Variants in CRTAM observed in about 807,000 individuals in gnomAD.
The protein encoded by CRTAM is cytotoxic and regulatory T-cell molecule.
A neutral mutation model predicts 50.0 loss-of-function variants in CRTAM; 44 were observed. That is an observed-to-expected ratio of 0.88 (90% CI 0.69 to 1.13). CRTAM has a LOEUF of 1.13. CRTAM is among the 50% of genes most tolerant of loss of function. The pLI is 0.00. For missense variants in CRTAM, 448 were observed against 457.5 expected, an observed-to-expected ratio of 0.98 and a Z score of 0.19; for synonymous variants, 159 against 169.3, an observed-to-expected ratio of 0.94 and a Z score of 0.47.
chr11:122,862,680 C>A, intron 6 of CRTAM, 136 bp downstream of exon 6: 1 of 616,458 alleles, frequency 1.6e-6, no homozygotes, highest in Non-Finnish European at 2.8e-6. Flanking sequence ...CCAACTGGCT[C>A]CAGCTTTGTA....
intron 9 of CRTAM, among the ~76,000 whole-genome samples, 178 bp from the exon 10 acceptor site, chr11:122,871,091 C>T (rs1312218333): frequency 2.2e-4 from 34 of 151,684 alleles, no homozygotes; most frequent in Non-Finnish European, 2.5e-4. Flanking sequence ...AAAAAAACCA[C>T]GAAAAACAAA....
chr11:122,868,194 G>A (rs1472052305), intron 9 of CRTAM, 95 bp downstream of exon 9: 4 of 258,420 alleles, frequency 1.5e-5, no homozygotes, highest in Non-Finnish European at 2.5e-5. Context: ...GAATATGTGT[G>A]TGTGTGTGTG....
intron 1 of CRTAM, among the ~76,000 whole-genome samples, chr11:122,839,093 G>T (rs61910289): frequency 6.6e-6 from 1 of 151,878 alleles, no homozygotes; most frequent in African/African-American, 2.4e-5. Context: ...CACCACGCCC[G>T]GCTAATTTTT....
At chr11:122,845,534 G>A (rs752201605) in intron 1 of CRTAM, among the ~76,000 whole-genome samples, 4 of 152,026 alleles carry the variant, frequency 2.6e-5, no homozygotes, top group Admixed American at 6.6e-5. Context: ...GTAAAACTCC[G>A]TCTCTGTACT....
chr11:122,845,568 G>GTGCT (rs1861853304), intron 1 of CRTAM, among the ~76,000 whole-genome samples: 1 of 152,028 alleles, frequency 6.6e-6, no homozygotes, highest in African/African-American at 2.4e-5. Context: ...TTAGTCAGAT[G>GTGCT]TGCTGGTGGG....
At chr11:122,838,647 A>G in intron 1 of CRTAM, 55 bp downstream of exon 1, 3 of 1,528,608 alleles carry the variant, frequency 2.0e-6, no homozygotes, top group Non-Finnish European at 1.8e-6. Context: ...GTTTTGCCAC[A>G]TCTACCTATC....
intron 3 of CRTAM, among the ~76,000 whole-genome samples, chr11:122,852,453 G>GT (rs905537807): frequency 2.6e-5 from 4 of 152,128 alleles, no homozygotes; most frequent in African/African-American, 7.2e-5. Flanking sequence ...TACTTGTTTT[G>GT]TTTTTTGTGG....
chr11:122,862,479 C>G lies in CRTAM; in HGVS notation c.668C>G (p.Thr223Arg). 6.2e-7 allele frequency: 1 copy of G among 1,612,188 alleles called. No homozygotes were observed. Among genetic ancestry groups the G allele is most frequent in the Non-Finnish European group, 8.5e-7 (1 of 1,178,236 alleles). The change falls in exon 6 of 10, where the codon ACA becomes AGA. Residue 223 changes from threonine to arginine, a missense_variant. Coordinates refer to ENST00000227348, the MANE Select transcript of CRTAM (RefSeq NM_019604.4). The stretch of plus-strand genomic sequence containing the variant: ...CCTTTCCTAGTTACTGATGAAGAGA[C>G]AGCTTCAGATGCTCTGGAGAGAAAC... ...RFEDLVTDEE[T>R]ASDALERNSL... is the part of the protein sequence containing the mutation.
intron 6 of CRTAM, among the ~76,000 whole-genome samples, chr11:122,863,257 GAAAAGAAAGAAAGAA>G (rs752329271): frequency 2.0e-4 from 14 of 69,930 alleles, no homozygotes; most frequent in Non-Finnish European, 3.9e-4. Flanking sequence ...AAGAGAGAAA[GAAAAGAAAGAAAGAA>G]AAAGAAAGAA....
At position 122,867,534 on chromosome 11, in the gene CRTAM, G is replaced by A; in HGVS notation, c.943G>A (p.Ala315Thr). The A allele has an allele frequency of 4.3e-6, 7 of 1,614,006 alleles. No homozygotes were observed. The highest frequency in any genetic ancestry group is 5.9e-6 in the Non-Finnish European group (7 of 1,179,954). Reference protein sequence around the residue: ...VQLFIMKLRKAHVIWKKENEV... With the variant: ...VQLFIMKLRKTHVIWKKENEV... ...GCTCTTCATCATGAAGCTGAGGAAAGCACATGTGATATGGAAGAAAGGTCA... is the reference window on the plus strand; with the variant it reads ...GCTCTTCATCATGAAGCTGAGGAAAACACATGTGATATGGAAGAAAGGTCA... Residue 315 changes from alanine (A) to threonine (T), a missense_variant, in exon 8 of 10, where the codon GCA (alanine) becomes ACA (threonine). Transcript: ENST00000227348.
At chr11:122,847,751 T>C (rs1476939675) in intron 1 of CRTAM, among the ~76,000 whole-genome samples, 2 of 152,218 alleles carry the variant, frequency 1.3e-5, no homozygotes, top group Admixed American at 6.5e-5. Context: ...CAAACTACAG[T>C]ATATTCACAT....
intron 4 of CRTAM, 130 bp downstream of exon 4, chr11:122,854,216 C>T (rs1416030537): frequency 2.8e-5 from 24 of 855,756 alleles, no homozygotes; most frequent in Non-Finnish European, 4.1e-5. Context: ...AGCTCTTTTC[C>T]AGACAAGTTA....
intron 3 of CRTAM, among the ~76,000 whole-genome samples, chr11:122,852,512 A>G (rs1463581141): frequency 6.6e-6 from 1 of 152,204 alleles, no homozygotes; most frequent in Admixed American, 6.5e-5. Context: ...TCTAAGTAAC[A>G]TCATCTCACA....
chr11:122,864,600 C>A, intron 6 of CRTAM, 36 bp from the exon 7 acceptor site: 1 of 1,432,604 alleles, frequency 7.0e-7, no homozygotes, highest in Non-Finnish European at 9.8e-7. Flanking sequence ...GTATATAATG[C>A]ATGCATAGCT....
chr11:122,838,615 G>T, intron 1 of CRTAM, 23 bp downstream of exon 1: 1 of 1,612,758 alleles, frequency 6.2e-7, no homozygotes, highest in Non-Finnish European at 8.5e-7. Flanking sequence ...AGTTATTTTT[G>T]TTGTTGCTCA....
At chr11:122,854,138 G>A in intron 4 of CRTAM, 52 bp downstream of exon 4, 2 of 1,582,466 alleles carry the variant, frequency 1.3e-6, no homozygotes, top group Non-Finnish European at 8.6e-7. Flanking sequence ...AATTTCCAGG[G>A]GATTTTTAAA....
chr11:122,840,862 T>A (rs1237777502), intron 1 of CRTAM, among the ~76,000 whole-genome samples: 2 of 151,692 alleles, frequency 1.3e-5, no homozygotes, highest in Non-Finnish European at 1.5e-5. Context: ...ACTCCCAGAA[T>A]AAATAGTCTT....
chr11:122,850,185 G>A lies in CRTAM; in HGVS notation c.164G>A (p.Gly55Glu). Residue 55 changes from glycine (G) to glutamate (E), a missense_variant, in exon 2 of 10, where the codon GGG becomes GAG. Transcript: ENST00000227348. ...NSSLQWLTPS[G>E]FTIFLNEYPA... ...TCCCTCCAGTGGCTGACCCCCTCAG[G>A]GTTCACCATTTTTTTAAATGAGTAT... 6.2e-7 allele frequency: 1 copy of A among 1,610,432 alleles called. No homozygotes were observed. The highest frequency in any genetic ancestry group is 8.5e-7 in the Non-Finnish European group (1 of 1,177,488).
At chr11:122,849,074 T>G (rs754849148) in intron 1 of CRTAM, among the ~76,000 whole-genome samples, 17 of 152,330 alleles carry the variant, frequency 1.1e-4, no homozygotes, top group Middle Eastern at 6.8e-3. Context: ...CTGAATTGAA[T>G]GAAATCTTAG....
Sources: allele counts gnomAD v4.1 joint callset (sites outside exome capture counted in the v4.1 genomes callset), GRCh38; gene constraint gnomAD v4.1.1; transcripts MANE v1.5; gene names NCBI Gene and HGNC (gene_info 2026-07-23, HGNC 2026-07-21).